Variants in SLC6A6 observed in about 807,000 individuals in gnomAD.
SLC6A6 encodes solute carrier family 6 member 6, also known as sodium- and chloride-dependent taurine transporter.
In SLC6A6, 16 loss-of-function variants were observed where a neutral mutation model predicts 68.8. That is an observed-to-expected ratio of 0.23 (90% CI 0.16 to 0.35). The LOEUF (loss-of-function observed/expected upper bound fraction) is 0.35, where lower values mean the gene tolerates loss of function less well. Ranked by LOEUF, SLC6A6 falls within the 10% of genes least tolerant of loss-of-function variation. The pLI is 1.00. For synonymous variants in SLC6A6, 312 were observed against 315.4 expected (o/e 0.99, Z 0.12); for missense variants, 474 against 802.8 (o/e 0.59, Z 4.95).
In SLC6A6 at chr3:14,468,035, G is replaced by A. The variant is rs1204015939; in HGVS notation, c.972-53G>A. 17 of 1,612,460 alleles carry A rather than the reference G, an allele frequency of 1.1e-5. No homozygotes were observed. The East Asian group carries it at 1.6e-4, about 15-fold the overall frequency. ...TTAAAGAAAAAGAGAAGTAGGGAGC[G>A]TGGCTTCCTTGTGTTGTGAATTAAC... On this transcript the variant is annotated intron_variant, in intron 8 of 14. Coordinates refer to ENST00000622186, the MANE Select transcript of SLC6A6 (RefSeq NM_003043.6). The surrounding 1 kb of genome is among the most constrained non-coding windows in gnomAD (Gnocchi z 4.5).
At chr3:14,442,117 G>A (rs750598342) in intron 2 of SLC6A6, among the ~76,000 whole-genome samples, 2 of 152,232 alleles carry the variant, frequency 1.3e-5, no homozygotes, top group Non-Finnish European at 2.9e-5. Flanking sequence ...CGTGTGACAA[G>A]GGTCACGTGA....
chr3:14,406,565 G>A (rs1308164118), intron 1 of SLC6A6, among the ~76,000 whole-genome samples: 9 of 152,128 alleles, frequency 5.9e-5, no homozygotes, highest in African/African-American at 1.2e-4. Context: ...CTATTTAACC[G>A]GTACACAGGC....
At chr3:14,480,765 T>A (rs1700988623) in intron 13 of SLC6A6, among the ~76,000 whole-genome samples, 1 of 152,234 alleles carries the variant, frequency 6.6e-6, no homozygotes, top group African/African-American at 2.4e-5. Context: ...GATGCTGTCA[T>A]TCTGACTAGA....
chr3:14,412,351 A>G (rs539953532), intron 1 of SLC6A6, among the ~76,000 whole-genome samples: 1 of 152,210 alleles, frequency 6.6e-6, no homozygotes, highest in Non-Finnish European at 1.5e-5. Context: ...TGCCACTGGT[A>G]GAATATCAAT....
At chr3:14,431,597 G>C (rs1699726099) in intron 2 of SLC6A6, among the ~76,000 whole-genome samples, 1 of 152,208 alleles carries the variant, frequency 6.6e-6, no homozygotes. Context: ...AACCCCTGGG[G>C]ATCTTGGGCT....
intron 2 of SLC6A6, among the ~76,000 whole-genome samples, chr3:14,431,777 A>C (rs1333827977): frequency 6.6e-6 from 1 of 152,166 alleles, no homozygotes; most frequent in African/African-American, 2.4e-5. Context: ...GTCGAGCTGA[A>C]TTTCTGAGTC....
intron 7 of SLC6A6, 134 bp downstream of exon 7, chr3:14,466,784 C>T (rs1473000639): frequency 8.0e-6 from 6 of 751,766 alleles, no homozygotes; most frequent in African/African-American, 3.5e-5. Flanking sequence ...TGGGCCACCG[C>T]CCCCTGGTAC....
At chr3:14,463,277 G>A (rs1366513966) in intron 6 of SLC6A6, among the ~76,000 whole-genome samples, 1 of 152,214 alleles carries the variant, frequency 6.6e-6, no homozygotes, top group East Asian at 1.9e-4. Flanking sequence ...GAAAATGCAG[G>A]TGAGGCTGAT....
rs1223616524 is a variant in SLC6A6, at chr3:14,486,194, C to T, written c.*1187C>T. The T allele has an allele frequency of 1.3e-5, 2 of 152,620 alleles. No individual in the cohort carries two copies. The highest frequency in any genetic ancestry group is 2.4e-5 in the African/African-American group (1 of 41,410). 9.5% of individuals were successfully genotyped at this position (152,620 alleles called of 1,614,324 possible). On this transcript the variant is annotated 3_prime_UTR_variant, in exon 15 of 15. Coordinates refer to ENST00000622186, the MANE Select transcript of SLC6A6 (RefSeq NM_003043.6). ...GAGGGGTGCTTTCTTTCCTCATCTCCCCACTCCCCACTCTCAGCCTGGGAG... is the reference window on the plus strand; with the variant it reads ...GAGGGGTGCTTTCTTTCCTCATCTCTCCACTCCCCACTCTCAGCCTGGGAG...
At chr3:14,461,422 C>T (rs569649582) in intron 6 of SLC6A6, among the ~76,000 whole-genome samples, 39 of 152,340 alleles carry the variant, frequency 2.6e-4, no homozygotes, top group African/African-American at 7.2e-4. Flanking sequence ...TGCCCACCCC[C>T]GTGCCAGCCT....
In SLC6A6 at chr3:14,447,974, C is replaced by T. The variant is rs1444867279; in HGVS notation, c.599+158C>T. The T allele has an allele frequency of 2.1e-6, 3 of 1,441,198 alleles. No homozygotes were observed. The East Asian group carries it at 7.5e-5, about 36-fold the overall frequency. 89.3% of individuals were successfully genotyped at this position (1,441,198 alleles called of 1,614,324 possible). On this transcript the variant is annotated intron_variant, in intron 5 of 14. Transcript: ENST00000622186. ...ATAAATTTATGCCTTTGGCCATAGA[C>T]AGGACTGGAATCCCAGTTCTGCCAC... is the stretch of plus-strand genomic sequence containing the variant.
rs2124994976 is a variant in SLC6A6, at chr3:14,477,774, G to A, written c.1347+432G>A. 6.6e-6 allele frequency among the ~76,000 whole-genome samples: 1 copy of A among 152,302 alleles called. No individual in the cohort carries two copies. Among genetic ancestry groups the A allele is most frequent in the Non-Finnish European group, 1.5e-5 (1 of 68,028 alleles). ...CTTGCAGGTCACCTGCCACAGGACC[G>A]AGTCCTGGTGGGTATGGGTTGATAG... On this transcript the variant is annotated intron_variant, in intron 11 of 14. Coordinates refer to ENST00000622186, the MANE Select transcript of SLC6A6 (RefSeq NM_003043.6). This position sits in a 1 kb window ranked among gnomAD's most constrained non-coding sequence, Gnocchi z 4.2.
intron 2 of SLC6A6, among the ~76,000 whole-genome samples, chr3:14,442,415 C>G (rs988951736): frequency 6.6e-5 from 10 of 152,190 alleles, no homozygotes; most frequent in African/African-American, 2.4e-4. Context: ...CCCAGCTCAT[C>G]CGTTTTCTGT....
At chr3:14,440,852 G>A (rs2124939640) in intron 2 of SLC6A6, among the ~76,000 whole-genome samples, 1 of 152,184 alleles carries the variant, frequency 6.6e-6, no homozygotes, top group South Asian at 2.1e-4. Context: ...GGAGAGGTGG[G>A]TGCACCTTAG....
At chr3:14,467,805 C>T in intron 7 of SLC6A6, 48 bp from the exon 8 acceptor site, 2 of 1,251,470 alleles carry the variant, frequency 1.6e-6, no homozygotes, top group East Asian at 2.3e-5. Flanking sequence ...AGGAAGCCAG[C>T]TCTGACAGCC....
chr3:14,423,314 C>G (rs1699523957), intron 2 of SLC6A6, among the ~76,000 whole-genome samples: 1 of 152,162 alleles, frequency 6.6e-6, no homozygotes, highest in Non-Finnish European at 1.5e-5. Flanking sequence ...GATCTCACAC[C>G]TGGGATGAGT....
intron 2 of SLC6A6, among the ~76,000 whole-genome samples, chr3:14,427,654 A>C (rs1371038597): frequency 6.6e-6 from 1 of 152,126 alleles, no homozygotes; most frequent in Admixed American, 6.5e-5. Flanking sequence ...CTGCAGTTGC[A>C]GCCATCCTGG....
intron 1 of SLC6A6, among the ~76,000 whole-genome samples, 189 bp from the exon 2 acceptor site, chr3:14,416,223 A>G (rs1166124588): frequency 1.3e-5 from 2 of 151,980 alleles, no homozygotes; most frequent in African/African-American, 4.8e-5. Context: ...TCTGCATGTG[A>G]GCTTGTGTTG....
intron 1 of SLC6A6, among the ~76,000 whole-genome samples, chr3:14,406,730 TG>T (rs1249955150): frequency 6.6e-6 from 1 of 151,882 alleles, no homozygotes; most frequent in Non-Finnish European, 1.5e-5. Context: ...ATGCCAAGGG[TG>T]GGAGTTAGGG....
Sources: gnomAD v4.1 joint callset for allele counts (sites outside exome capture counted in the v4.1 genomes callset) on GRCh38, gnomAD v4.1.1 for gene constraint, Gnocchi (gnomAD v3.1) non-coding constraint, MANE v1.5 for transcripts, NCBI Gene and HGNC (gene_info 2026-07-23, HGNC 2026-07-21) for gene names.